TULP3: variants seen among roughly 807,000 people sequenced by gnomAD.
TULP3 encodes tubby-related protein 3.
A neutral mutation model predicts 50.7 loss-of-function variants in TULP3; 38 were observed. That is an observed-to-expected ratio of 0.75 (90% confidence interval 0.58 to 0.98). The LOEUF (loss-of-function observed/expected upper bound fraction) is 0.98. Ranked by LOEUF, TULP3 falls within the 50% of genes least tolerant of loss-of-function variation. The probability of loss-of-function intolerance (pLI) is 0.00; values close to 1 mark genes in which losing one functional copy is unlikely to be tolerated. For synonymous variants in TULP3, 183 were observed against 196.6 expected (o/e 0.93, Z 0.58); for missense variants, 550 against 568.0 (o/e 0.97, Z 0.32).
rs186203981 is a variant in TULP3 at position 2,926,519 on chromosome 12, G to A, written c.395-3729G>A. On this transcript the variant is annotated intron_variant, in intron 4 of 10. Coordinates refer to ENST00000448120, the MANE Select transcript of TULP3 (RefSeq NM_003324.5). Reference sequence around the variant, plus strand: ...TAAGTTAGTATTTTAGACAGCAGAAGGAAAAAGTGTCCTTTGCAAAGCAAA... The same window carrying A: ...TAAGTTAGTATTTTAGACAGCAGAAAGAAAAAGTGTCCTTTGCAAAGCAAA... Among the ~76,000 whole-genome samples, 22 of 152,250 alleles carry A rather than the reference G, an allele frequency of 1.4e-4. No individual in the cohort carries two copies. The East Asian group carries it at 2.5e-3, about 17-fold the overall frequency.
In TULP3 at chr12:2,941,046, C is replaced by G. The variant is rs1591541428; in HGVS notation, c.*1602C>G. The G allele has an allele frequency of 3.6e-6, 1 of 276,348 alleles. No individual in the cohort carries two copies. The highest frequency in any genetic ancestry group is 6.7e-6 in the Non-Finnish European group (1 of 149,432). 17.1% of individuals were successfully genotyped at this position (276,348 alleles called of 1,614,324 possible). On this transcript the variant is annotated 3_prime_UTR_variant, in exon 11 of 11. Coordinates refer to ENST00000448120, the MANE Select transcript of TULP3 (RefSeq NM_003324.5). ...TTTAAAGAGATATATAAACTAATTT[C>G]ACATAATTTGTGTGTGCAGGTGATT...
At chr12:2,933,886 G>A (rs906827159) in intron 7 of TULP3, among the ~76,000 whole-genome samples, 1 of 152,100 alleles carries the variant, frequency 6.6e-6, no homozygotes, top group African/African-American at 2.4e-5. Context: ...GGAGGCAGAG[G>A]TTGCCGTGAG....
At chr12:2,913,912 G>A (rs1023428384) in intron 2 of TULP3, among the ~76,000 whole-genome samples, 1 of 151,810 alleles carries the variant, frequency 6.6e-6, no homozygotes, top group East Asian at 2.0e-4. Flanking sequence ...CCCGGCCTCT[G>A]TGGTTTACTT....
chr12:2,893,330 T>G (rs1311829042), intron 1 of TULP3, among the ~76,000 whole-genome samples: 3 of 149,846 alleles, frequency 2.0e-5, no homozygotes, highest in African/African-American at 7.4e-5. Context: ...TTAATGTGTT[T>G]TTTTTTTTTT....
chr12:2,928,210 G>A (rs1451170320), intron 4 of TULP3, among the ~76,000 whole-genome samples: 1 of 152,208 alleles, frequency 6.6e-6, no homozygotes, highest in Non-Finnish European at 1.5e-5. Context: ...TTCCTAGTTA[G>A]ATTTAGTTAA....
chr12:2,891,554 T>G (rs1216179163), intron 1 of TULP3, among the ~76,000 whole-genome samples: 1 of 152,322 alleles, frequency 6.6e-6, no homozygotes, highest in African/African-American at 2.4e-5. Flanking sequence ...GCCACACCCC[T>G]TGTTTGTGCG....
At chr12:2,927,365 G>GCTTTTTTTTTTT (rs1565505796) in intron 4 of TULP3, among the ~76,000 whole-genome samples, 1 of 70,828 alleles carries the variant, frequency 1.4e-5, no homozygotes, top group African/African-American at 6.6e-5. Flanking sequence ...AGTTGAGACT[G>GCTTTTTTTTTTT]ATTTTTTTTT....
Position 2,940,854 on chromosome 12 carries a change from G to T in TULP3, c.*1410G>T. ...CACCAAGTGCCTCCCTCACAGCCAT[G>T]CCCAGAAGCCTCACACCTCGTCACC... On this transcript the variant is annotated 3_prime_UTR_variant, in exon 11 of 11. Coordinates refer to ENST00000448120, the MANE Select transcript of TULP3 (RefSeq NM_003324.5). 1.2e-6 allele frequency: 1 copy of T among 835,150 alleles called. No homozygotes were observed. Among genetic ancestry groups the T allele is most frequent in the South Asian group, 1.8e-5 (1 of 54,746 alleles). 51.7% of individuals were successfully genotyped at this position (835,150 alleles called of 1,614,324 possible).
At position 2,939,357 on chromosome 12, in the gene TULP3, C is replaced by G; in HGVS notation, c.1242C>G (p.Phe414Leu). 4 of 1,614,196 alleles carry G rather than the reference C, an allele frequency of 2.5e-6. No individual in the cohort carries two copies. The highest frequency in any genetic ancestry group is 1.7e-6 in the Non-Finnish European group (2 of 1,180,028). ...MQFGRVADDVFTLDYNYPLCA... is the reference protein window; with the variant it reads ...MQFGRVADDVLTLDYNYPLCA... ...TTGGACGTGTGGCAGATGACGTGTT[C>G]ACACTGGATTACAACTACCCACTTT... The change falls in exon 11 of 11, where the codon TTC becomes TTG. Residue 414 changes from phenylalanine (F) to leucine (L), a missense_variant. Phe to Leu is a conservative substitution (Grantham distance 22). Coordinates refer to ENST00000448120, the MANE Select transcript of TULP3 (RefSeq NM_003324.5). The surrounding 1 kb of genome is among the most constrained non-coding windows in gnomAD (Gnocchi z 4.0).
chr12:2,902,273 C>G (rs539437626), intron 1 of TULP3, among the ~76,000 whole-genome samples: 1 of 152,248 alleles, frequency 6.6e-6, no homozygotes, highest in South Asian at 2.1e-4. Flanking sequence ...TAAAAAACAT[C>G]AATTTGTGAT....
At chr12:2,921,818 T>C (rs2098191947) in intron 3 of TULP3, among the ~76,000 whole-genome samples, 1 of 152,134 alleles carries the variant, frequency 6.6e-6, no homozygotes, top group African/African-American at 2.4e-5. Flanking sequence ...GCGTGGTGGC[T>C]TATACCTGTG....
At chr12:2,924,994 G>A (rs187649834) in intron 4 of TULP3, among the ~76,000 whole-genome samples, 140 of 152,222 alleles carry the variant, frequency 9.2e-4, no homozygotes, top group Middle Eastern at 3.4e-3. Flanking sequence ...TGGCTAACAC[G>A]GTGAAACCCT....
chr12:2,933,846 A>G (rs1387350554), intron 7 of TULP3, among the ~76,000 whole-genome samples: 1 of 152,072 alleles, frequency 6.6e-6, no homozygotes, highest in African/African-American at 2.4e-5. Flanking sequence ...GCTACCCGGG[A>G]GGCTGAAGCA....
In TULP3 at chr12:2,920,920, A is replaced by T. The variant is rs570541745; in HGVS notation, c.251A>T (p.His84Leu). The change falls in exon 3 of 11, where the codon CAT (histidine) becomes CTT (leucine). Residue 84 changes from histidine to leucine, a missense_variant and splice_region_variant. His to Leu is a moderately conservative substitution (Grantham distance 99). Transcript: ENST00000448120. The stretch of plus-strand genomic sequence containing the variant: ...ACTCCCCACAGCAATGTCATCTTAC[A>T]TGGTGTGTATTTAGGCAGCATCACT... ...CHTPHSNVIL[H>L]GIDGPAAVLK... is the part of the protein sequence containing the mutation. 1.9e-6 allele frequency: 3 copies of T among 1,613,992 alleles called. No homozygotes were observed.
intron 2 of TULP3, among the ~76,000 whole-genome samples, chr12:2,913,221 GTA>G (rs771938234): frequency 2.2e-3 from 325 of 147,312 alleles, no homozygotes; most frequent in South Asian, 8.0e-3. Context: ...GTGTGTGTGT[GTA>G]TGTGTGTGTG....
intron 2 of TULP3, among the ~76,000 whole-genome samples, chr12:2,915,917 G>T (rs1371023288): frequency 6.6e-6 from 1 of 152,184 alleles, no homozygotes; most frequent in Non-Finnish European, 1.5e-5. Context: ...TGGTCAGTCT[G>T]TTGGAAAACT....
rs370867274 is a variant in TULP3 at position 2,931,270 on chromosome 12, TGA to T, written c.696+39_696+40del. ...GAGAATTGATTTCTAAGAAAACTCT[TGA>T]GAGAGAGAAGAATGTTGTGGGAATA... On this transcript the variant is annotated intron_variant, in intron 6 of 10. Transcript: ENST00000448120. The T allele has an allele frequency of 4.2e-4, 669 of 1,605,232 alleles. 7 individuals are homozygous for T. The South Asian group carries it at 5.4e-3, about 13-fold the overall frequency.
chr12:2,907,070 G>C (rs1245991162), intron 1 of TULP3, among the ~76,000 whole-genome samples: 2 of 151,446 alleles, frequency 1.3e-5, no homozygotes, highest in South Asian at 4.2e-4. Context: ...AGGTGCAGTG[G>C]CTCACGCCTG....
At chr12:2,903,562 CAAAA>C (rs78763103) in intron 1 of TULP3, among the ~76,000 whole-genome samples, 1 of 126,344 alleles carries the variant, frequency 7.9e-6, no homozygotes. Context: ...GACTCTATCT[CAAAA>C]AAAAAAAAAA....
Sources: allele counts gnomAD v4.1 joint callset (sites outside exome capture counted in the v4.1 genomes callset), GRCh38; gene constraint gnomAD v4.1.1; non-coding constraint Gnocchi (gnomAD v3.1); transcripts MANE v1.5; gene names NCBI Gene and HGNC (gene_info 2026-07-23, HGNC 2026-07-21).